Variants in SLC39A10 observed in about 807,000 individuals in gnomAD.
SLC39A10 encodes the protein solute carrier family 39 member 10, also known as zinc transporter ZIP10.
In SLC39A10, 13 loss-of-function variants were observed where a neutral mutation model predicts 65.1. The observed-to-expected ratio is 0.20, with a 90% CI of 0.13 to 0.32. The LOEUF is 0.32. Among genes scored for constraint, SLC39A10 ranks in the 10% least tolerant of loss-of-function variants. The pLI, the probability that SLC39A10 is intolerant of heterozygous loss-of-function variation, is 1.00. For synonymous variants in SLC39A10, 321 were observed against 342.2 expected, an observed-to-expected ratio of 0.94 and a Z score of 0.68; for missense variants, 831 against 1,018.4, an observed-to-expected ratio of 0.82 and a Z score of 2.50.
intron 3 of SLC39A10, among the ~76,000 whole-genome samples, chr2:195,705,639 CTTAGA>C (rs1691373291): frequency 6.6e-6 from 1 of 152,040 alleles, no homozygotes; most frequent in African/African-American, 2.4e-5. Flanking sequence ...TTATAGTCCT[CTTAGA>C]TTTGATTTGA....
chr2:195,617,404 CAG>C (rs1455586931), intron 2 of SLC39A10, among the ~76,000 whole-genome samples: 1 of 151,818 alleles, frequency 6.6e-6, no homozygotes, highest in Non-Finnish European at 1.5e-5. Flanking sequence ...CTACTAAAAA[CAG>C]AAAAAATTAG....
intron 2 of SLC39A10, among the ~76,000 whole-genome samples, chr2:195,618,922 G>C (rs1688286994): frequency 6.6e-6 from 1 of 151,860 alleles, no homozygotes; most frequent in Non-Finnish European, 1.5e-5. Context: ...GTGAAACCCC[G>C]TCTCTACTAA....
chr2:195,616,527 G>C (rs6730277), intron 2 of SLC39A10, among the ~76,000 whole-genome samples: 6,192 of 148,968 alleles, frequency 0.042, 311 homozygotes, highest in African/African-American at 0.11. Context: ...GGATGGTCTC[G>C]ATCTCTTGAC....
chr2:195,622,432 C>T (rs111815325), intron 2 of SLC39A10, among the ~76,000 whole-genome samples: 69 of 152,240 alleles, frequency 4.5e-4, no homozygotes, highest in South Asian at 1.7e-3. Flanking sequence ...AGAATTTACC[C>T]TTTTAAGTTC....
chr2:195,727,437 A>G (rs900195900), intron 8 of SLC39A10, among the ~76,000 whole-genome samples: 10 of 152,120 alleles, frequency 6.6e-5, no homozygotes, highest in African/African-American at 2.2e-4. Context: ...CCAGATATTT[A>G]TGTGCATCAT....
At chr2:195,636,732 G>A (rs150193004) in intron 2 of SLC39A10, among the ~76,000 whole-genome samples, 30 of 152,030 alleles carry the variant, frequency 2.0e-4, no homozygotes, top group East Asian at 7.8e-4. Context: ...CAGCCTGGGC[G>A]ACAGAGCAAG....
chr2:195,652,496 C>G (rs1193907914), upstream of SLC39A10, among the ~76,000 whole-genome samples: 1 of 150,150 alleles, frequency 6.7e-6, no homozygotes, highest in Non-Finnish European at 1.5e-5. Context: ...TTGCAGTGAG[C>G]CGAGATCTCG....
Position 195,716,759 on chromosome 2 carries a change from CATTCTCACAGTGA to C in SLC39A10, c.1820_1832del (p.His607LeufsTer26). On this transcript the variant is annotated frameshift_variant, in exon 7 of 10. Coordinates refer to ENST00000359634, the MANE Select transcript of SLC39A10 (RefSeq NM_020342.3). LOFTEE classifies it high-confidence loss of function. ...TATAGAAGAGGAGAAAATCATAGAC[CATTCTCACAGTGA>C]TGGATTACATACCATTCATGAGCAT... 6.2e-7 allele frequency: 1 copy of C among 1,614,070 alleles called. No homozygotes were observed. The highest frequency in any genetic ancestry group is 1.1e-5 in the South Asian group (1 of 91,076).
chr2:195,630,510 G>A (rs895310913), intron 2 of SLC39A10, among the ~76,000 whole-genome samples: 22 of 152,144 alleles, frequency 1.4e-4, no homozygotes, highest in Non-Finnish European at 3.1e-4. Flanking sequence ...TAGGGTGGGA[G>A]CCTTTCAGAG....
chr2:195,613,345 T>C (rs1387389905), intron 2 of SLC39A10, among the ~76,000 whole-genome samples: 1 of 152,248 alleles, frequency 6.6e-6, no homozygotes, highest in Non-Finnish European at 1.5e-5. Flanking sequence ...ATACAGTACA[T>C]TGTTTCTCAT....
At chr2:195,706,835 G>T in intron 4 of SLC39A10, 50 bp downstream of exon 4, 1 of 1,324,846 alleles carries the variant, frequency 7.5e-7, no homozygotes. Context: ...AAATATTTAA[G>T]CTGAAAGGGT....
chr2:195,656,618 G>A (rs778115922), upstream of SLC39A10: 21 of 152,196 alleles, frequency 1.4e-4, no homozygotes, highest in Admixed American at 9.8e-4. Flanking sequence ...AGGGGAGCTA[G>A]GCAAAACACC....
intron 2 of SLC39A10, among the ~76,000 whole-genome samples, chr2:195,633,071 A>G (rs1230002970): frequency 1.3e-5 from 2 of 151,648 alleles, no homozygotes; most frequent in Non-Finnish European, 2.9e-5. Context: ...TAAGAGAGCT[A>G]AAAAAAATAA....
At chr2:195,719,993 T>G (rs1691968762) in intron 8 of SLC39A10, among the ~76,000 whole-genome samples, 1 of 152,184 alleles carries the variant, frequency 6.6e-6, no homozygotes, top group African/African-American at 2.4e-5. Context: ...TTTCTCCATG[T>G]TGGTCAGGCT....
intron 1 of SLC39A10, among the ~76,000 whole-genome samples, chr2:195,659,487 C>T (rs1689299578): frequency 6.6e-6 from 1 of 152,080 alleles, no homozygotes; most frequent in Non-Finnish European, 1.5e-5. Context: ...AGTATTATAG[C>T]AAGGAAAATT....
intron 1 of SLC39A10, among the ~76,000 whole-genome samples, chr2:195,661,569 G>C (rs1211501637): frequency 6.6e-6 from 1 of 152,112 alleles, no homozygotes; most frequent in Non-Finnish European, 1.5e-5. Context: ...CAAATTAACT[G>C]CTTAGGAGAC....
At chr2:195,686,403 T>G (rs1690525337) in intron 3 of SLC39A10, among the ~76,000 whole-genome samples, 1 of 152,088 alleles carries the variant, frequency 6.6e-6, no homozygotes, top group Non-Finnish European at 1.5e-5. Context: ...TACAAAAAAT[T>G]AGCTGGATAT....
intron 2 of SLC39A10, among the ~76,000 whole-genome samples, chr2:195,639,143 AG>A (rs1688752184): frequency 6.6e-6 from 1 of 152,026 alleles, no homozygotes; most frequent in Non-Finnish European, 1.5e-5. Context: ...TGTAAAGATA[AG>A]TCTTGCTATG....
chr2:195,659,217 G>A (rs1382813245), intron 1 of SLC39A10, among the ~76,000 whole-genome samples: 1 of 152,146 alleles, frequency 6.6e-6, no homozygotes, highest in East Asian at 1.9e-4. Context: ...CCCTGTGCAA[G>A]AATGACTTTG....
Sources: allele counts gnomAD v4.1 joint callset (sites outside exome capture counted in the v4.1 genomes callset), GRCh38; gene constraint gnomAD v4.1.1; transcripts MANE v1.5; gene names NCBI Gene and HGNC (gene_info 2026-07-23, HGNC 2026-07-21).